Variants in ALOX5 observed in about 807,000 individuals in gnomAD.
ALOX5 encodes the protein arachidonate 5-lipoxygenase, also known as polyunsaturated fatty acid 5-lipoxygenase.
ALOX5 carries 64 observed loss-of-function variants against 87.9 expected under a neutral mutation model. The ratio of observed to expected loss-of-function variants is 0.73; its 90% CI spans 0.60 to 0.90. The LOEUF (loss-of-function observed/expected upper bound fraction) is 0.90, where lower values mean the gene tolerates loss of function less well. Ranked by LOEUF, ALOX5 falls within the 40% of genes least tolerant of loss-of-function variation. The pLI is 0.00. For missense variants in ALOX5, 822 were observed against 907.5 expected (o/e 0.91, Z 1.21); for synonymous variants, 388 against 355.1 (o/e 1.09, Z -1.04).
Position 45,444,171 on chromosome 10 carries a change from C to T in ALOX5, c.1730C>T (p.Pro577Leu), listed in dbSNP as rs143439556. 5.2e-5 allele frequency: 81 copies of T among 1,556,774 alleles called. No individual in the cohort carries two copies. Among genetic ancestry groups the T allele is most frequent in the Non-Finnish European group, 6.8e-5 (78 of 1,150,386 alleles). Residue 577 changes from proline (P) to leucine (L), a missense_variant, in exon 13 of 14, where the codon CCG becomes CTG. By Grantham distance (98) the Pro-to-Leu change is moderately conservative. Coordinates refer to ENST00000374391, the MANE Select transcript of ALOX5 (RefSeq NM_000698.5). ...NAPPTMRAPPPTAKGVVTIEQ... is the reference protein window; with the variant it reads ...NAPPTMRAPPLTAKGVVTIEQ... The stretch of plus-strand genomic sequence containing the variant: ...CCCCCAACCATGCGAGCCCCGCCAC[C>T]GACTGCCAAGGGCGTGGTGACCATT...
intron 2 of ALOX5, among the ~76,000 whole-genome samples, chr10:45,390,104 A>G (rs1246906422): frequency 6.6e-6 from 1 of 152,244 alleles, no homozygotes. Flanking sequence ...AGGCCATTAC[A>G]TAATGGTAAA....
intron 7 of ALOX5, among the ~76,000 whole-genome samples, chr10:45,431,694 T>G (rs919413915): frequency 4.3e-4 from 66 of 152,086 alleles, no homozygotes; most frequent in African/African-American, 1.5e-3. Flanking sequence ...TGCCTCAGCC[T>G]CCCGAGTAGC....
chr10:45,395,428 G>A (rs2132716499), intron 2 of ALOX5, among the ~76,000 whole-genome samples: 1 of 152,244 alleles, frequency 6.6e-6, no homozygotes, highest in African/African-American at 2.4e-5. Flanking sequence ...GACACAGGAA[G>A]GGGAACATCA....
At chr10:45,392,372 C>T (rs1229895097) in intron 2 of ALOX5, among the ~76,000 whole-genome samples, 1 of 151,800 alleles carries the variant, frequency 6.6e-6, no homozygotes, top group Admixed American at 6.5e-5. Context: ...AAGAAAAATT[C>T]TTCTGCCTTG....
intron 2 of ALOX5, among the ~76,000 whole-genome samples, chr10:45,391,010 T>TCTCCCATCTCCCCTCTCC (rs1564416256): frequency 2.0e-4 from 6 of 29,374 alleles, no homozygotes; most frequent in African/African-American, 7.6e-4. Flanking sequence ...CTCCCCTCTC[T>TCTCCCATCTCCCCTCTCC]CCTCTCCCAT....
chr10:45,387,602 C>T (rs960162406), intron 2 of ALOX5, among the ~76,000 whole-genome samples: 2 of 152,092 alleles, frequency 1.3e-5, no homozygotes, highest in South Asian at 2.1e-4. Flanking sequence ...GAAATGCACA[C>T]GCAGGCCAGA....
chr10:45,374,375 C>T lies in ALOX5; in HGVS notation c.96C>T (p.Cys32=). 1 of 1,555,404 alleles carries T rather than the reference C, an allele frequency of 6.4e-7. No homozygotes were observed. The highest frequency in any genetic ancestry group is 8.7e-7 in the Non-Finnish European group (1 of 1,154,802). The change falls in exon 1 of 14, where the codon TGC becomes TGT. Residue 32 remains cysteine, a synonymous_variant. Coordinates refer to ENST00000374391, the MANE Select transcript of ALOX5 (RefSeq NM_000698.5). ...TCAGCCTCGTGGGCTCGGCGGGCTG[C>T]AGCGAGAAGCACCTGCTGGACAAGC... is the stretch of plus-strand genomic sequence containing the variant. The part of the protein sequence containing the change: ...IYLSLVGSAG[C]SEKHLLDKPF...
At chr10:45,412,400 T>A in intron 4 of ALOX5, 87 bp downstream of exon 4, 1 of 1,546,358 alleles carries the variant, frequency 6.5e-7, no homozygotes, top group Non-Finnish European at 8.8e-7. Context: ...CCTCATGGGG[T>A]CCTTGGGTTG....
chr10:45,399,196 A>G (rs1316689611), intron 3 of ALOX5, among the ~76,000 whole-genome samples: 3 of 152,262 alleles, frequency 2.0e-5, no homozygotes, highest in Non-Finnish European at 4.4e-5. Context: ...ACCAGTCACA[A>G]AAGATCATAT....
chr10:45,388,712 C>T (rs568257456), intron 2 of ALOX5, among the ~76,000 whole-genome samples: 1 of 152,268 alleles, frequency 6.6e-6, no homozygotes, highest in East Asian at 1.9e-4. Context: ...TCATCAAAGA[C>T]CAAAGGTAAA....
At chr10:45,386,719 G>A (rs1448558619) in intron 2 of ALOX5, among the ~76,000 whole-genome samples, 6 of 152,008 alleles carry the variant, frequency 3.9e-5, no homozygotes, top group Non-Finnish European at 7.4e-5. Context: ...GCTTTACCAC[G>A]AGAGCTAGAG....
chr10:45,415,354 A>G (rs982234900), intron 4 of ALOX5, among the ~76,000 whole-genome samples: 4 of 152,270 alleles, frequency 2.6e-5, no homozygotes, highest in Non-Finnish European at 5.9e-5. Context: ...CAAACACCGC[A>G]TGTTCTCACT....
intron 3 of ALOX5, among the ~76,000 whole-genome samples, chr10:45,411,895 G>T (rs185807817): frequency 9.9e-5 from 15 of 152,280 alleles, no homozygotes; most frequent in African/African-American, 3.6e-4. Context: ...AGTAAGTGAG[G>T]TCTCCCTAGA....
intron 2 of ALOX5, among the ~76,000 whole-genome samples, chr10:45,386,880 C>T (rs1234669269): frequency 6.6e-6 from 1 of 152,106 alleles, no homozygotes; most frequent in Non-Finnish European, 1.5e-5. Context: ...AGCAGCCCCG[C>T]CCTTAGCTAC....
chr10:45,395,025 A>G (rs1840446086), intron 2 of ALOX5, among the ~76,000 whole-genome samples: 1 of 152,264 alleles, frequency 6.6e-6, no homozygotes, highest in Non-Finnish European at 1.5e-5. Context: ...AAACTAGTTC[A>G]ACCTTTGTGG....
At chr10:45,437,302 G>A (rs1404435033) in intron 7 of ALOX5, among the ~76,000 whole-genome samples, 1 of 152,202 alleles carries the variant, frequency 6.6e-6, no homozygotes, top group Admixed American at 6.5e-5. Context: ...GCAGTGAGCT[G>A]CGATCACACC....
At chr10:45,391,906 G>A (rs1840286120) in intron 2 of ALOX5, among the ~76,000 whole-genome samples, 1 of 115,912 alleles carries the variant, frequency 8.6e-6, no homozygotes, top group Admixed American at 8.2e-5. Context: ...TGAGAAGTGA[G>A]GAGCCCCTCC....
At chr10:45,408,108 G>A (rs1840944723) in intron 3 of ALOX5, among the ~76,000 whole-genome samples, 1 of 152,012 alleles carries the variant, frequency 6.6e-6, no homozygotes, top group African/African-American at 2.4e-5. Flanking sequence ...TCCTTTTGGA[G>A]CTTTTACTCC....
At chr10:45,378,973 C>T (rs1189483042) in intron 1 of ALOX5, among the ~76,000 whole-genome samples, 3 of 152,170 alleles carry the variant, frequency 2.0e-5, no homozygotes, top group African/African-American at 7.2e-5. Flanking sequence ...CACCAGGTGC[C>T]TGCAGGTGTA....
Sources: allele counts gnomAD v4.1 joint callset (sites outside exome capture counted in the v4.1 genomes callset), GRCh38; gene constraint gnomAD v4.1.1; transcripts MANE v1.5; gene names NCBI Gene and HGNC (gene_info 2026-07-23, HGNC 2026-07-21).